KCNK10: variants seen among roughly 807,000 people sequenced by gnomAD.
KCNK10 encodes potassium two pore domain channel subfamily K member 10.
Under a neutral mutation model 47.7 loss-of-function variants are expected in KCNK10, and 25 were observed. That is an observed-to-expected ratio of 0.52 (90% CI 0.38 to 0.73). The LOEUF is 0.73. Among genes scored for constraint, KCNK10 ranks in the 30% least tolerant of loss-of-function variants. KCNK10 has a pLI of 0.00. For synonymous variants in KCNK10, 303 were observed against 285.6 expected (o/e 1.06, Z -0.61); for missense variants, 563 against 714.5 (o/e 0.79, Z 2.42).
At chr14:88,278,325 C>A (rs1176571485) in intron 1 of KCNK10, among the ~76,000 whole-genome samples, 2 of 152,138 alleles carry the variant, frequency 1.3e-5, no homozygotes, top group East Asian at 3.9e-4. Context: ...TCTCCTAGAC[C>A]CTCAGAATCA....
At chr14:88,192,678 T>C (rs1221659489) in intron 4 of KCNK10, among the ~76,000 whole-genome samples, 1 of 152,212 alleles carries the variant, frequency 6.6e-6, no homozygotes, top group African/African-American at 2.4e-5. Flanking sequence ...TAGCCAATGC[T>C]TTGAATGTTT....
chr14:88,279,842 G>C (rs965139706), intron 1 of KCNK10, among the ~76,000 whole-genome samples: 2 of 152,090 alleles, frequency 1.3e-5, no homozygotes, highest in Non-Finnish European at 2.9e-5. Flanking sequence ...TTGAATCATG[G>C]GGGCCAGTCT....
chr14:88,237,921 C>A (rs866606342), intron 3 of KCNK10, among the ~76,000 whole-genome samples: 7 of 152,190 alleles, frequency 4.6e-5, no homozygotes, highest in Admixed American at 6.5e-5. Context: ...TCATTTGAAG[C>A]TTTGAAGCCA....
At chr14:88,216,468 C>T (rs577940674) in intron 4 of KCNK10, among the ~76,000 whole-genome samples, 5 of 152,162 alleles carry the variant, frequency 3.3e-5, no homozygotes, top group African/African-American at 4.8e-5. Flanking sequence ...CGAGTAGAGG[C>T]CCAGGGATGC....
intron 1 of KCNK10, among the ~76,000 whole-genome samples, chr14:88,293,124 G>A (rs1471962296): frequency 6.6e-6 from 1 of 152,198 alleles, no homozygotes; most frequent in Non-Finnish European, 1.5e-5. Flanking sequence ...AGGAGTTGAA[G>A]ATAAATGAAG....
intron 1 of KCNK10, among the ~76,000 whole-genome samples, chr14:88,303,216 C>A (rs2139792045): frequency 6.6e-6 from 1 of 152,274 alleles, no homozygotes; most frequent in Non-Finnish European, 1.5e-5. Flanking sequence ...AACACCCAAG[C>A]CAAGCCTGGA....
intron 2 of KCNK10, among the ~76,000 whole-genome samples, chr14:88,259,966 A>ATGTTTT (rs1887063682): frequency 6.6e-6 from 1 of 151,954 alleles, no homozygotes; most frequent in Non-Finnish European, 1.5e-5. Context: ...TTGTTTTGAG[A>ATGTTTT]GAGTCATGCT....
chr14:88,224,694 C>T (rs1377809172), intron 4 of KCNK10, among the ~76,000 whole-genome samples: 1 of 152,222 alleles, frequency 6.6e-6, no homozygotes, highest in South Asian at 2.1e-4. Context: ...ACTGCAACCT[C>T]CACCTCCTGG....
intron 1 of KCNK10, among the ~76,000 whole-genome samples, chr14:88,276,464 G>A (rs61977008): frequency 6.6e-6 from 1 of 152,076 alleles, no homozygotes; most frequent in Non-Finnish European, 1.5e-5. Flanking sequence ...TAGCCCTAAG[G>A]CACACTAAGA....
Position 88,186,114 on chromosome 14 carries a change from A to G in KCNK10, c.1053T>C (p.Asn351=), listed in dbSNP as rs947963586. 17 of 1,606,646 alleles carry G rather than the reference A, an allele frequency of 1.1e-5. No individual in the cohort carries two copies. The Admixed American group carries it at 2.2e-4, about 21-fold the overall frequency. The change falls in exon 7 of 7, where the codon AAT becomes AAC. Residue 351 remains asparagine, a synonymous_variant. Transcript: ENST00000319231. The surrounding 1 kb of genome is among the most constrained non-coding windows in gnomAD (Gnocchi z 5.5). The stretch of plus-strand genomic sequence containing the variant: ...GTGTCTCCCGGAACTCAGCCGTGAC[A>G]TTGGCCTTCCACTCTGCCGCATGGG... ...IKAHAAEWKA[N]VTAEFRETRR...
chr14:88,212,865 T>TC (rs1885505700), intron 4 of KCNK10, among the ~76,000 whole-genome samples: 1 of 152,242 alleles, frequency 6.6e-6, no homozygotes, highest in Non-Finnish European at 1.5e-5. Context: ...TGGGCTGGAT[T>TC]CAGTTCAGGA....
intron 4 of KCNK10, among the ~76,000 whole-genome samples, chr14:88,201,277 A>T (rs1885092869): frequency 6.6e-6 from 1 of 152,320 alleles, no homozygotes; most frequent in East Asian, 1.9e-4. Context: ...TGCATACATG[A>T]TTCATTTCCT....
At chr14:88,203,335 T>A (rs1234542823) in intron 4 of KCNK10, among the ~76,000 whole-genome samples, 1 of 152,252 alleles carries the variant, frequency 6.6e-6, no homozygotes, top group Non-Finnish European at 1.5e-5. Context: ...ATATCCTTTT[T>A]AAAATTATTT....
rs766951340 is a variant in KCNK10, at chr14:88,322,759, A to G, written c.40T>C (p.Trp14Arg). ...PIETPRKQVN[W>R]DPKVAVPAAA... Reference sequence around the variant, plus strand: ...AGGAAACACCCACCTTTAGGATCCCAGTTCACCTGTTTTCTTGGCGTCTCG... The same window carrying G: ...AGGAAACACCCACCTTTAGGATCCCGGTTCACCTGTTTTCTTGGCGTCTCG... The change falls in exon 1 of 7, where the codon TGG (tryptophan) becomes CGG (arginine). Residue 14 changes from tryptophan to arginine, a missense_variant. Transcript: ENST00000319231. The surrounding 1 kb of genome is among the most constrained non-coding windows in gnomAD (Gnocchi z 4.8). 1 of 1,614,070 alleles carries G rather than the reference A, an allele frequency of 6.2e-7. No individual in the cohort carries two copies. The highest frequency in any genetic ancestry group is 1.7e-5 in the Admixed American group (1 of 60,014).
chr14:88,193,611 T>C (rs1274484914), intron 4 of KCNK10, among the ~76,000 whole-genome samples: 2 of 152,088 alleles, frequency 1.3e-5, no homozygotes, highest in African/African-American at 4.8e-5. Flanking sequence ...GCAATCAATA[T>C]AGGAAATCCG....
At chr14:88,280,514 A>T (rs553339732) in intron 1 of KCNK10, among the ~76,000 whole-genome samples, 109 of 152,058 alleles carry the variant, frequency 7.2e-4, no homozygotes, top group Non-Finnish European at 4.7e-4. Context: ...CACACACCCA[A>T]TTGCCTACTA....
At chr14:88,192,084 G>T in intron 5 of KCNK10, 140 bp downstream of exon 5, 1 of 747,814 alleles carries the variant, frequency 1.3e-6, no homozygotes, top group Non-Finnish European at 2.1e-6. Flanking sequence ...GATTTGAAAT[G>T]AGCCTCTTCA....
At position 88,182,066 on chromosome 14, in the gene KCNK10, ACAC is replaced by A. The variant is rs1884385960; in HGVS notation, c.*3466_*3468del. On this transcript the variant is annotated 3_prime_UTR_variant, in exon 7 of 7. Transcript: ENST00000319231. Reference sequence around the variant, plus strand: ...CACACACACACACACACACACACACACACACACACACACACACACTCTATACAG... The same window carrying A: ...CACACACACACACACACACACACACAACACACACACACACACTCTATACAG... 1 of 151,450 alleles carries A rather than the reference ACAC, an allele frequency of 6.6e-6. No homozygotes were observed. Among genetic ancestry groups the A allele is most frequent in the Admixed American group, 6.6e-5 (1 of 15,086 alleles). 9.4% of individuals were successfully genotyped at this position (151,450 alleles called of 1,614,324 possible).
chr14:88,301,477 T>C (rs1888096712), intron 1 of KCNK10, among the ~76,000 whole-genome samples: 1 of 152,140 alleles, frequency 6.6e-6, no homozygotes, highest in Non-Finnish European at 1.5e-5. Flanking sequence ...TAGAACTTTT[T>C]TTCAAAGAGT....
Sources: allele counts gnomAD v4.1 joint callset (sites outside exome capture counted in the v4.1 genomes callset), GRCh38; gene constraint gnomAD v4.1.1; non-coding constraint Gnocchi (gnomAD v3.1); transcripts MANE v1.5; gene names NCBI Gene and HGNC (gene_info 2026-07-23, HGNC 2026-07-21).